The following TMIGD1 variants were observed in gnomAD, a reference collection of about 807,000 sequenced individuals.
TMIGD1 encodes the protein transmembrane and immunoglobulin domain containing 1, also known as transmembrane and immunoglobulin domain-containing protein 1.
In TMIGD1, 29 loss-of-function variants were observed where a neutral mutation model predicts 27.5. The observed-to-expected ratio is 1.05, with a 90% confidence interval of 0.78 to 1.44. The LOEUF is 1.44. Ranked by LOEUF, TMIGD1 falls within the 40% of genes most tolerant of loss-of-function variation. The pLI, the probability that TMIGD1 is intolerant of heterozygous loss-of-function variation, is 0.00. For synonymous variants in TMIGD1, 109 were observed against 110.3 expected, an observed-to-expected ratio of 0.99 and a Z score of 0.07; for missense variants, 334 against 310.6, an observed-to-expected ratio of 1.08 and a Z score of -0.57.
At chr17:30,324,771 T>C in intron 4 of TMIGD1, 45 bp downstream of exon 4, 1 of 1,579,642 alleles carries the variant, frequency 6.3e-7, no homozygotes, top group South Asian at 1.1e-5. Flanking sequence ...GAGCATCTGG[T>C]GTGAGTTTTG....
intron 4 of TMIGD1, among the ~76,000 whole-genome samples, chr17:30,319,983 C>G (rs750477258): frequency 3.3e-5 from 5 of 151,998 alleles, no homozygotes; most frequent in African/African-American, 1.2e-4. Flanking sequence ...GCAACCATGA[C>G]AGCTTGGAAG....
Position 30,317,177 on chromosome 17 carries a change from G to A in TMIGD1, c.785+16C>T, listed in dbSNP as rs756574662. The A allele has an allele frequency of 6.3e-5, 101 of 1,613,666 alleles. No individual in the cohort carries two copies. Among genetic ancestry groups the A allele is most frequent in the Admixed American group, 2.8e-4 (17 of 59,968 alleles). On this transcript the variant is annotated intron_variant, in intron 6 of 6. Transcript: ENST00000328886. ...TGCTTATTTAAAAAGCACTGGTCCCGGCCTAGAGTACTTACAGAGCTGTTT... is the reference window on the plus strand; with the variant it reads ...TGCTTATTTAAAAAGCACTGGTCCCAGCCTAGAGTACTTACAGAGCTGTTT...
intron 4 of TMIGD1, among the ~76,000 whole-genome samples, chr17:30,323,338 C>A (rs1172042173): frequency 2.6e-5 from 4 of 152,138 alleles, no homozygotes; most frequent in African/African-American, 7.2e-5. Flanking sequence ...AAATCTTGTG[C>A]TCAAGAAAAG....
At chr17:30,329,914 T>TA (rs1465875074) in intron 2 of TMIGD1, among the ~76,000 whole-genome samples, 129 of 119,478 alleles carry the variant, frequency 1.1e-3, no homozygotes, top group African/African-American at 3.8e-3. Flanking sequence ...CTACAAAAAA[T>TA]AAAAAAATAA....
chr17:30,333,390 A>G (rs959963786), intron 1 of TMIGD1, among the ~76,000 whole-genome samples: 30 of 152,070 alleles, frequency 2.0e-4, no homozygotes, highest in African/African-American at 6.7e-4. Flanking sequence ...GCAGTGAGCC[A>G]AGATTATGCC....
At position 30,317,491 on chromosome 17, in the gene TMIGD1, GCT is replaced by G. The variant is rs1909454326; in HGVS notation, c.745-260_745-259del. Among the ~76,000 whole-genome samples, 2 of 152,102 alleles carry G rather than the reference GCT, an allele frequency of 1.3e-5. 1 individual carries two copies. Among genetic ancestry groups the G allele is most frequent in the South Asian group, 4.1e-4 (2 of 4,826 alleles). ...AAAAAAAATGCGGCCGAGTGCAGTGGCTCACACCTGTAATCCCAGAACTTTGG... is the reference window on the plus strand; with the variant it reads ...AAAAAAAATGCGGCCGAGTGCAGTGGCACACCTGTAATCCCAGAACTTTGG... On this transcript the variant is annotated intron_variant, in intron 5 of 6. Coordinates refer to ENST00000328886, the MANE Select transcript of TMIGD1 (RefSeq NM_206832.3).
At chr17:30,317,849 C>T (rs2143128307) in intron 5 of TMIGD1, among the ~76,000 whole-genome samples, 1 of 151,932 alleles carries the variant, frequency 6.6e-6, no homozygotes, top group East Asian at 1.9e-4. Context: ...GCAGGCAGAT[C>T]ACTTGAGCTC....
intron 4 of TMIGD1, among the ~76,000 whole-genome samples, chr17:30,323,981 A>T (rs2143154133): frequency 6.6e-6 from 1 of 152,356 alleles, no homozygotes; most frequent in South Asian, 2.1e-4. Flanking sequence ...AAGGGGAAGC[A>T]AATAAGATGT....
At position 30,324,916 on chromosome 17, in the gene TMIGD1, C is replaced by G. The variant is rs1408529540; in HGVS notation, c.540G>C (p.Leu180=). Residue 180 remains leucine (L), a synonymous_variant, in exon 4 of 7, where the codon CTG becomes CTC. Transcript: ENST00000328886. ...CAGGCTTCTCGACTTTGGTGATTGA[C>G]AGCTGAAAAGACTCACTTGTCTGTT... The part of the protein sequence containing the change: ...QIQQTSESFQ[L]SITKVEKPDN... 6.2e-7 allele frequency: 1 copy of G among 1,614,178 alleles called. No individual in the cohort carries two copies. Among genetic ancestry groups the G allele is most frequent in the South Asian group, 1.1e-5 (1 of 91,084 alleles).
At chr17:30,317,379 T>A in intron 5 of TMIGD1, 146 bp from the exon 6 acceptor site, 1 of 739,598 alleles carries the variant, frequency 1.4e-6, no homozygotes, top group South Asian at 1.6e-5. Context: ...GCCACACTAG[T>A]AGTTTTTATT....
At position 30,325,028 on chromosome 17, in the gene TMIGD1, C is replaced by T; in HGVS notation, c.428G>A (p.Cys143Tyr). The change falls in exon 4 of 7, where the codon TGC (cysteine) becomes TAC (tyrosine). Residue 143 changes from cysteine (C) to tyrosine (Y), a missense_variant. Physicochemically the swap from Cys to Tyr is radical, Grantham distance 194. Transcript: ENST00000328886. Reference sequence around the variant, plus strand: ...AGCCTGGGGGTTGGCTTTCACATTGCAAACCAACTTCACATTACTGCCTTC... The same window carrying T: ...AGCCTGGGGGTTGGCTTTCACATTGTAAACCAACTTCACATTACTGCCTTC... Reference protein sequence around the residue: ...VEEGSNVKLVCNVKANPQAQM... With the variant: ...VEEGSNVKLVYNVKANPQAQM... 1.2e-6 allele frequency: 2 copies of T among 1,614,082 alleles called. No homozygotes were observed. Among genetic ancestry groups the T allele is most frequent in the Non-Finnish European group, 1.7e-6 (2 of 1,179,978 alleles).
intron 5 of TMIGD1, among the ~76,000 whole-genome samples, 197 bp downstream of exon 5, chr17:30,318,613 T>C (rs994464998): frequency 6.6e-6 from 1 of 152,218 alleles, no homozygotes; most frequent in Non-Finnish European, 1.5e-5. Flanking sequence ...TGTGCACTTC[T>C]CTTCTTTGTA....
chr17:30,328,767 C>T (rs1382485666), intron 3 of TMIGD1, among the ~76,000 whole-genome samples: 1 of 151,834 alleles, frequency 6.6e-6, no homozygotes. Context: ...ACCAGCCTGG[C>T]CAACATGGTG....
chr17:30,327,983 A>G (rs921726425), intron 3 of TMIGD1, among the ~76,000 whole-genome samples: 25 of 152,216 alleles, frequency 1.6e-4, no homozygotes, highest in African/African-American at 6.0e-4. Context: ...AATCATTGAA[A>G]AGCTTCACCT....
chr17:30,329,188 A>G (rs1201153542), intron 3 of TMIGD1, 63 bp downstream of exon 3: 13 of 1,566,236 alleles, frequency 8.3e-6, no homozygotes, highest in Non-Finnish European at 1.1e-5. Context: ...CTAGATTTCA[A>G]CTACCACTTC....
At chr17:30,330,367 A>G (rs1339796117) in intron 2 of TMIGD1, among the ~76,000 whole-genome samples, 2 of 152,154 alleles carry the variant, frequency 1.3e-5, no homozygotes, top group Non-Finnish European at 2.9e-5. Flanking sequence ...CACATACCAT[A>G]TTTAATTTGT....
chr17:30,317,357 G>T, intron 5 of TMIGD1, 124 bp from the exon 6 acceptor site: 1 of 981,912 alleles, frequency 1.0e-6, no homozygotes, highest in Non-Finnish European at 1.6e-6. Context: ...TGGCTCAGGC[G>T]TCATTTTTGG....
Position 30,329,548 on chromosome 17 carries a change from A to G in TMIGD1, c.83-19T>C. The G allele has an allele frequency of 6.2e-7, 1 of 1,600,154 alleles. No individual in the cohort carries two copies. The highest frequency in any genetic ancestry group is 1.1e-5 in the South Asian group (1 of 90,490). ...ACAGAACCTGGGAGTATAGGGAGAA[A>G]CTATTTAGATATACAGAGTAAACAA... On this transcript the variant is annotated intron_variant, in intron 2 of 6. Coordinates refer to ENST00000328886, the MANE Select transcript of TMIGD1 (RefSeq NM_206832.3).
chr17:30,331,734 G>A (rs1257730785), intron 2 of TMIGD1, among the ~76,000 whole-genome samples: 6 of 152,040 alleles, frequency 3.9e-5, no homozygotes, highest in South Asian at 2.1e-4. Flanking sequence ...AACTACAGGC[G>A]CCTGCCAGCA....
Sources: allele counts gnomAD v4.1 joint callset (sites outside exome capture counted in the v4.1 genomes callset), GRCh38; gene constraint gnomAD v4.1.1; transcripts MANE v1.5; gene names NCBI Gene and HGNC (gene_info 2026-07-23, HGNC 2026-07-21).